Variants in IL7 observed in about 807,000 individuals in gnomAD.
The protein encoded by IL7 is interleukin 7, also known as interleukin-7.
A neutral mutation model predicts 21.6 loss-of-function variants in IL7; 3 were observed. The ratio of observed to expected loss-of-function variants is 0.14; its 90% CI spans 0.06 to 0.36. The LOEUF is 0.36. Ranked by LOEUF, IL7 falls within the 10% of genes least tolerant of loss-of-function variation. The probability of loss-of-function intolerance (pLI) is 1.00; values close to 1 mark genes in which losing one functional copy is unlikely to be tolerated. For synonymous variants in IL7, 62 were observed against 68.1 expected (o/e 0.91, Z 0.44); for missense variants, 175 against 200.2 (o/e 0.87, Z 0.76).
rs1811453573 is a variant in IL7 at position 78,732,866 on chromosome 8, G to C, written c.*847C>G. ...TGAAAATATTTTATATACAGATATA[G>C]TGTCAAAATTAAATACAGATATTTC... On this transcript the variant is annotated 3_prime_UTR_variant, in exon 6 of 6. Coordinates refer to ENST00000263851, the MANE Select transcript of IL7 (RefSeq NM_000880.4). 1 of 151,886 alleles carries C rather than the reference G, an allele frequency of 6.6e-6. No individual in the cohort carries two copies. The allele number at this position is 151,886 out of a possible 1,614,324, so 9.4% of individuals were successfully genotyped here.
chr8:78,752,723 T>C (rs1348000571), intron 2 of IL7, among the ~76,000 whole-genome samples: 3 of 152,126 alleles, frequency 2.0e-5, no homozygotes, highest in Non-Finnish European at 4.4e-5. Flanking sequence ...TAGGTATCTC[T>C]CTTAATGCTA....
rs1433972222 is a variant in IL7, at chr8:78,790,689, A to G, written c.147+7383T>C. 3.9e-5 allele frequency among the ~76,000 whole-genome samples: 6 copies of G among 152,216 alleles called. No individual in the cohort carries two copies. The East Asian group carries it at 1.2e-3, about 29-fold the overall frequency. The stretch of plus-strand genomic sequence containing the variant: ...GAAATCATAGATAATTTTAAAATAA[A>G]GAAAAAATTCCATTTGCAATAGCAT... On this transcript the variant is annotated intron_variant, in intron 2 of 5. Transcript: ENST00000263851.
At chr8:78,726,816 TCAA>T (rs1173071379) in intron 3 of IL7, among the ~76,000 whole-genome samples, 1 of 152,038 alleles carries the variant, frequency 6.6e-6, no homozygotes, top group African/African-American at 2.4e-5. Flanking sequence ...TGTTATCGAC[TCAA>T]CTACTTTGTC....
At chr8:78,789,772 T>C (rs569072738) in intron 2 of IL7, among the ~76,000 whole-genome samples, 65 of 152,048 alleles carry the variant, frequency 4.3e-4, no homozygotes, top group Non-Finnish European at 7.8e-4. Flanking sequence ...AGATGATATA[T>C]TAAACTATAG....
In IL7 at chr8:78,761,077, A is replaced by G; in HGVS notation, c.148-20995T>C. On this transcript the variant is annotated intron_variant, in intron 2 of 5. Transcript: ENST00000263851. The stretch of plus-strand genomic sequence containing the variant: ...ATCTAATATTTGTGTCACTATTTAT[A>G]CCATCTAAACATAAAACAAGTGCTT... 4 of 1,607,824 alleles carry G rather than the reference A, an allele frequency of 2.5e-6. No individual in the cohort carries two copies. In the African/African-American group the frequency reaches 5.4e-5, roughly 22 times the overall value.
At chr8:78,682,008 G>A (rs1307295864) in intron 4 of IL7, among the ~76,000 whole-genome samples, 1 of 150,688 alleles carries the variant, frequency 6.6e-6, no homozygotes, top group Non-Finnish European at 1.5e-5. Context: ...CTCCCAAAAT[G>A]TGGGGATTAC....
intron 3 of IL7, among the ~76,000 whole-genome samples, chr8:78,724,575 A>G (rs1811308127): frequency 6.6e-6 from 1 of 152,072 alleles, no homozygotes; most frequent in African/African-American, 2.4e-5. Flanking sequence ...GGAACTTAAA[A>G]TTTTATTTTA....
At chr8:78,684,444 G>T (rs749776564) in intron 4 of IL7, among the ~76,000 whole-genome samples, 1 of 152,164 alleles carries the variant, frequency 6.6e-6, no homozygotes, top group Admixed American at 6.5e-5. Context: ...GGAGAAACCT[G>T]CCCCCGTGAT....
At chr8:78,773,613 G>T (rs1813037251) in intron 2 of IL7, among the ~76,000 whole-genome samples, 1 of 152,258 alleles carries the variant, frequency 6.6e-6, no homozygotes, top group South Asian at 2.1e-4. Flanking sequence ...GAAATGTAAA[G>T]AACAGATTTT....
At chr8:78,739,931 A>G (rs1404107708) in intron 3 of IL7, 71 bp downstream of exon 3, 2 of 1,357,686 alleles carry the variant, frequency 1.5e-6, no homozygotes, top group African/African-American at 3.1e-5. Context: ...TAATTGTCTA[A>G]CAGAGGCACA....
intron 2 of IL7, chr8:78,761,069 CTATT>C (rs1443431732): frequency 1.2e-6 from 2 of 1,610,414 alleles, no homozygotes; most frequent in African/African-American, 2.7e-5. Context: ...ATTTGTGTCA[CTATT>C]TATACCATCT....
intron 3 of IL7, among the ~76,000 whole-genome samples, chr8:78,722,914 G>A (rs1811267591): frequency 6.6e-6 from 1 of 151,502 alleles, no homozygotes; most frequent in Admixed American, 6.6e-5. Context: ...AAAGGTAACA[G>A]CACAGAGCCA....
At chr8:78,686,469 A>G in intron 3 of IL7, 1 of 1,453,572 alleles carries the variant, frequency 6.9e-7, no homozygotes, top group Non-Finnish European at 9.1e-7. Flanking sequence ...ATTTATAGCC[A>G]GAACCACCAA....
intron 3 of IL7, among the ~76,000 whole-genome samples, 174 bp downstream of exon 3, chr8:78,739,828 C>G (rs1212736566): frequency 1.3e-5 from 2 of 151,906 alleles, no homozygotes; most frequent in African/African-American, 2.4e-5. Flanking sequence ...AAGCACAGGA[C>G]TATTTGTAAA....
At chr8:78,692,508 T>C (rs927769814) in intron 3 of IL7, among the ~76,000 whole-genome samples, 4 of 152,198 alleles carry the variant, frequency 2.6e-5, no homozygotes, top group Admixed American at 1.3e-4. Context: ...ACATGGTAGG[T>C]AATATATAAC....
chr8:78,704,217 A>G (rs1435417504), intron 3 of IL7, among the ~76,000 whole-genome samples: 5 of 151,620 alleles, frequency 3.3e-5, no homozygotes, highest in Non-Finnish European at 5.9e-5. Flanking sequence ...GCCTGTCTCT[A>G]TTTAAAAAAA....
At chr8:78,776,698 T>C (rs1391152185) in intron 2 of IL7, among the ~76,000 whole-genome samples, 1 of 152,104 alleles carries the variant, frequency 6.6e-6, no homozygotes, top group Non-Finnish European at 1.5e-5. Flanking sequence ...CCAGGCACTG[T>C]TCCATGAGCT....
chr8:78,688,287 G>T (rs1810091313), intron 3 of IL7, among the ~76,000 whole-genome samples: 1 of 152,010 alleles, frequency 6.6e-6, no homozygotes, highest in South Asian at 2.1e-4. Context: ...AAGAGAGTGA[G>T]AGGGTACCAG....
At chr8:78,777,559 G>T (rs1468675554) in intron 2 of IL7, among the ~76,000 whole-genome samples, 1 of 151,834 alleles carries the variant, frequency 6.6e-6, no homozygotes, top group South Asian at 2.1e-4. Context: ...CCTTTTATTT[G>T]CTTGTTCCTA....
Sources: gnomAD v4.1 joint callset for allele counts (sites outside exome capture counted in the v4.1 genomes callset) on GRCh38, gnomAD v4.1.1 for gene constraint, MANE v1.5 for transcripts, NCBI Gene and HGNC (gene_info 2026-07-23, HGNC 2026-07-21) for gene names.